The following NAALADL2 variants were observed in gnomAD, a reference collection of about 807,000 sequenced individuals.
The protein encoded by NAALADL2 is N-acetylated alpha-linked acidic dipeptidase like 2.
In NAALADL2, 76 loss-of-function variants were observed where a neutral mutation model predicts 87.2. The observed-to-expected ratio is 0.87, with a 90% CI of 0.72 to 1.05. NAALADL2 has a LOEUF of 1.05. NAALADL2 is among the 50% of genes least tolerant of loss of function. The probability of loss-of-function intolerance (pLI) is 0.00; values close to 1 mark genes in which losing one functional copy is unlikely to be tolerated. For synonymous variants in NAALADL2, 354 were observed against 331.0 expected (o/e 1.07, Z -0.75); for missense variants, 1,089 against 945.8 (o/e 1.15, Z -1.99).
intron 3 of NAALADL2, among the ~76,000 whole-genome samples, chr3:174,772,439 T>C (rs1269472533): frequency 6.6e-6 from 1 of 152,192 alleles, no homozygotes; most frequent in Non-Finnish European, 1.5e-5. Context: ...TGCTAATTGG[T>C]GTTTTCCTTA....
intron 10 of NAALADL2, among the ~76,000 whole-genome samples, chr3:175,593,772 CAA>C (rs11302780): frequency 9.3e-5 from 14 of 150,590 alleles, no homozygotes; most frequent in Admixed American, 4.6e-4. Context: ...GGCCCACTCT[CAA>C]AAAAAAAACC....
At chr3:175,443,534 A>G (rs1401799239) in intron 5 of NAALADL2, among the ~76,000 whole-genome samples, 1 of 152,196 alleles carries the variant, frequency 6.6e-6, no homozygotes, top group Non-Finnish European at 1.5e-5. Context: ...GGGGGAGAGT[A>G]TTAGTTAGCC....
At chr3:174,661,533 C>T (rs1461140812) in intron 2 of NAALADL2, among the ~76,000 whole-genome samples, 2 of 151,260 alleles carry the variant, frequency 1.3e-5, no homozygotes, top group East Asian at 3.9e-4. Context: ...CTGCAAATGA[C>T]ACTGATGCTT....
Position 175,165,469 on chromosome 3 carries a change from C to A in NAALADL2, c.545+68178C>A, listed in dbSNP as rs372443680. On this transcript the variant is annotated intron_variant, in intron 2 of 13. Transcript: ENST00000454872. ...AAAATTCATATTCTAAAATTTAAGG[C>A]TCAAAAAAGTTATAATTAAAAGTTA... Among the ~76,000 whole-genome samples, 121 of 151,922 alleles carry A rather than the reference C, an allele frequency of 8.0e-4. 1 individual carries two copies. Among genetic ancestry groups the A allele is most frequent in the African/African-American group, 2.6e-3 (108 of 41,428 alleles).
chr3:175,481,083 C>A (rs1043767575), intron 9 of NAALADL2, among the ~76,000 whole-genome samples: 2 of 151,786 alleles, frequency 1.3e-5, no homozygotes, highest in Non-Finnish European at 2.9e-5. Context: ...TTTTAAAATA[C>A]TATAAGTAGC....
chr3:175,040,034 CA>C (rs1212321579), intron 1 of NAALADL2, among the ~76,000 whole-genome samples: 1 of 152,128 alleles, frequency 6.6e-6, no homozygotes, highest in African/African-American at 2.4e-5. Context: ...GGCATATGTG[CA>C]CACACACGCA....
At chr3:175,740,443 C>A (rs1745073079) in intron 12 of NAALADL2, among the ~76,000 whole-genome samples, 1 of 152,140 alleles carries the variant, frequency 6.6e-6, no homozygotes, top group East Asian at 1.9e-4. Context: ...GAAAATGAGG[C>A]TGGGACTTGC....
At chr3:175,221,544 G>A (rs1743369286) in intron 2 of NAALADL2, among the ~76,000 whole-genome samples, 5 of 151,204 alleles carry the variant, frequency 3.3e-5, no homozygotes, top group Admixed American at 2.6e-4. Context: ...GAGGAGTTTG[G>A]TAAAATTTCT....
intron 5 of NAALADL2, among the ~76,000 whole-genome samples, chr3:175,343,941 A>T (rs545824084): frequency 1.3e-5 from 2 of 150,204 alleles, no homozygotes; most frequent in South Asian, 4.2e-4. Context: ...AGTCTTCTTT[A>T]AAAAAAAAAT....
At chr3:174,889,474 G>A (rs73881548) in intron 1 of NAALADL2, among the ~76,000 whole-genome samples, 2,310 of 152,040 alleles carry the variant, frequency 0.015, 59 homozygotes, top group African/African-American at 0.053. Context: ...CCTGCTGGAC[G>A]CCATTGCTAT....
At chr3:174,817,963 T>C (rs1720984508) in intron 3 of NAALADL2, among the ~76,000 whole-genome samples, 1 of 152,224 alleles carries the variant, frequency 6.6e-6, no homozygotes, top group Admixed American at 6.5e-5. Context: ...AGTAACTTTA[T>C]GAACTTCCCA....
intron 1 of NAALADL2, among the ~76,000 whole-genome samples, chr3:174,539,338 A>G (rs1169359670): frequency 6.6e-6 from 1 of 152,188 alleles, no homozygotes; most frequent in Non-Finnish European, 1.5e-5. Flanking sequence ...AAGGAGATAA[A>G]TTTGATTTGT....
chr3:175,185,361 T>C (rs1017963131), intron 2 of NAALADL2, among the ~76,000 whole-genome samples: 5 of 152,028 alleles, frequency 3.3e-5, no homozygotes, highest in Admixed American at 2.6e-4. Context: ...CAGTGTAGTT[T>C]ATAAAAGAAA....
At chr3:175,367,043 G>A (rs1335655232) in intron 5 of NAALADL2, among the ~76,000 whole-genome samples, 1 of 151,266 alleles carries the variant, frequency 6.6e-6, no homozygotes, top group Middle Eastern at 3.2e-3. Context: ...TGTATAAGGT[G>A]TAAGGAAGGG....
chr3:174,980,839 A>T (rs925859712), intron 1 of NAALADL2, among the ~76,000 whole-genome samples: 3 of 152,110 alleles, frequency 2.0e-5, no homozygotes, highest in African/African-American at 4.8e-5. Flanking sequence ...TATGTCTTAT[A>T]TTCTCAAATT....
chr3:174,660,818 T>C (rs542349954), intron 2 of NAALADL2, among the ~76,000 whole-genome samples: 18 of 152,272 alleles, frequency 1.2e-4, no homozygotes, highest in African/African-American at 4.3e-4. Context: ...CAATAATATT[T>C]TGTGTTAAAT....
intron 1 of NAALADL2, among the ~76,000 whole-genome samples, chr3:174,967,548 T>C (rs895440195): frequency 6.6e-6 from 1 of 152,162 alleles, no homozygotes; most frequent in Non-Finnish European, 1.5e-5. Context: ...TTTCAGAATT[T>C]CTGAGCCTAG....
intron 2 of NAALADL2, among the ~76,000 whole-genome samples, chr3:175,140,720 G>A (rs73176773): frequency 2.0e-3 from 299 of 152,226 alleles, no homozygotes; most frequent in Admixed American, 3.0e-3. Flanking sequence ...CAGGGTCCTC[G>A]CTACAAAAGG....
intron 11 of NAALADL2, among the ~76,000 whole-genome samples, chr3:175,683,726 T>C (rs1735913638): frequency 6.6e-6 from 1 of 152,080 alleles, no homozygotes; most frequent in Non-Finnish European, 1.5e-5. Context: ...TTTTAGTTTC[T>C]GATTCTTTGT....
Sources: allele counts gnomAD v4.1 joint callset (sites outside exome capture counted in the v4.1 genomes callset), GRCh38; gene constraint gnomAD v4.1.1; transcripts MANE v1.5; gene names NCBI Gene and HGNC (gene_info 2026-07-23, HGNC 2026-07-21).